The following WDPCP variants were observed in gnomAD, a reference collection of about 807,000 sequenced individuals.
The protein encoded by WDPCP is WD repeat containing planar cell polarity effector.
WDPCP carries 71 observed loss-of-function variants against 93.1 expected under a neutral mutation model. That is an observed-to-expected ratio of 0.76 (90% CI 0.63 to 0.93). WDPCP has a LOEUF of 0.93. WDPCP is among the 40% of genes least tolerant of loss of function. The pLI is 0.00. For synonymous variants in WDPCP, 315 were observed against 315.0 expected (o/e 1.00, Z 0.00); for missense variants, 844 against 887.4 (o/e 0.95, Z 0.62).
intron 2 of WDPCP, among the ~76,000 whole-genome samples, chr2:63,743,695 T>C (rs543230323): frequency 7.9e-5 from 12 of 152,250 alleles, no homozygotes; most frequent in African/African-American, 2.6e-4. Flanking sequence ...TATCAAGTGA[T>C]CTTATTAGGG....
At chr2:63,837,910 C>A in the WDPCP span, among the ~76,000 whole-genome samples, 3 of 152,078 alleles carry the variant, frequency 2.0e-5, no homozygotes, top group Non-Finnish European at 4.4e-5. Flanking sequence ...TTGAGACAAG[C>A]CTGGCCAACA....
chr2:63,647,189 G>A (rs765919581), intron 3 of WDPCP, among the ~76,000 whole-genome samples: 6 of 152,142 alleles, frequency 3.9e-5, no homozygotes, highest in Admixed American at 6.5e-5. Flanking sequence ...CCAGGCTGGA[G>A]TGCAATGGTG....
intron 17 of WDPCP, among the ~76,000 whole-genome samples, chr2:63,125,694 G>A (rs571947537): frequency 1.1e-4 from 17 of 151,558 alleles, no homozygotes; most frequent in African/African-American, 3.1e-4. Flanking sequence ...TGCAACCTCC[G>A]CTTCCCGGGT....
chr2:63,230,965 T>C (rs1010155050), intron 14 of WDPCP, among the ~76,000 whole-genome samples: 1 of 152,186 alleles, frequency 6.6e-6, no homozygotes, highest in Non-Finnish European at 1.5e-5. Context: ...ACTTTGGCTT[T>C]TGTTGCCATT....
chr2:63,591,393 G>C (rs1709199554), upstream of WDPCP, among the ~76,000 whole-genome samples: 1 of 152,110 alleles, frequency 6.6e-6, no homozygotes, highest in East Asian at 1.9e-4. Context: ...TACCTACCTG[G>C]GAAAGTAATT....
At chr2:63,466,271 TA>T (rs1699339010) in intron 6 of WDPCP, among the ~76,000 whole-genome samples, 1 of 152,122 alleles carries the variant, frequency 6.6e-6, no homozygotes, top group Non-Finnish European at 1.5e-5. Context: ...ACTTGTTAAG[TA>T]GTTTATCTGC....
intron 1 of WDPCP, among the ~76,000 whole-genome samples, chr2:63,498,705 T>C (rs1004847268): frequency 7.2e-5 from 11 of 152,238 alleles, no homozygotes; most frequent in African/African-American, 2.7e-4. Flanking sequence ...TTCCCCGGTT[T>C]CTTAAGTCAG....
intron 10 of WDPCP, among the ~76,000 whole-genome samples, chr2:63,385,991 G>C (rs981701828): frequency 6.6e-6 from 1 of 151,938 alleles, no homozygotes; most frequent in African/African-American, 2.4e-5. Flanking sequence ...TACTCTTTCT[G>C]ACAATTGGTG....
chr2:63,541,143 T>C (rs191664831), intron 1 of WDPCP, among the ~76,000 whole-genome samples: 91 of 152,226 alleles, frequency 6.0e-4, no homozygotes, highest in Middle Eastern at 6.8e-3. Flanking sequence ...CTGGCTAATT[T>C]TGCATTTTTA....
intron 14 of WDPCP, among the ~76,000 whole-genome samples, chr2:63,225,217 G>A (rs548369031): frequency 6.6e-6 from 1 of 152,074 alleles, no homozygotes; most frequent in Non-Finnish European, 1.5e-5. Context: ...GAATAGGGAT[G>A]ATAACTCTAT....
At chr2:63,217,996 T>G (rs957309939) in intron 14 of WDPCP, among the ~76,000 whole-genome samples, 1 of 152,182 alleles carries the variant, frequency 6.6e-6, no homozygotes, top group Non-Finnish European at 1.5e-5. Context: ...AATGAAAAAT[T>G]TGAAGTATCA....
chr2:63,801,845 C>G (rs1314644813), intron 2 of WDPCP, among the ~76,000 whole-genome samples: 3 of 152,126 alleles, frequency 2.0e-5, no homozygotes, highest in Admixed American at 6.5e-5. Flanking sequence ...AGCAAGCGAT[C>G]CAAGAGAAGG....
Position 63,733,183 on chromosome 2 carries a change from ATTTTTTTTT to A in WDPCP, n.308+80430_308+80438del, listed in dbSNP as rs70965141. 2.3e-3 allele frequency among the ~76,000 whole-genome samples: 217 copies of A among 94,950 alleles called. 1 individual carries two copies. The highest frequency in any genetic ancestry group is 3.5e-3 in the Admixed American group (30 of 8,518). 62.3% of individuals were successfully genotyped at this position (94,950 alleles called of 152,430 possible). A position where few individuals can be genotyped will look rare whatever the true frequency, so the allele number is the denominator to read the frequency against. ...TTACAAGCTAATATACAAATAAATG[ATTTTTTTTT>A]TTTTTTTTTTTTTTTTTTAAGACGG... On this transcript the variant is annotated intron_variant and non_coding_transcript_variant, in intron 2 of 4. Coordinates refer to the WDPCP transcript ENST00000467687.
intron 1 of WDPCP, among the ~76,000 whole-genome samples, chr2:63,521,032 G>T (rs936409427): frequency 2.0e-5 from 3 of 151,836 alleles, no homozygotes; most frequent in Non-Finnish European, 4.4e-5. Context: ...GTTACCCCCA[G>T]ACCTGCCTTA....
chr2:63,323,183 T>G (rs1196671739), intron 12 of WDPCP, among the ~76,000 whole-genome samples: 1 of 152,194 alleles, frequency 6.6e-6, no homozygotes, highest in Admixed American at 6.5e-5. Flanking sequence ...TGCCCATCTA[T>G]TCTATCTACC....
At chr2:63,570,120 T>C (rs921033933) in intron 1 of WDPCP, among the ~76,000 whole-genome samples, 1 of 152,186 alleles carries the variant, frequency 6.6e-6, no homozygotes, top group African/African-American at 2.4e-5. Context: ...ATTTTCAAAT[T>C]TGGCCTTTTT....
At chr2:63,675,291 T>C (rs1710391430) in intron 2 of WDPCP, among the ~76,000 whole-genome samples, 1 of 152,202 alleles carries the variant, frequency 6.6e-6, no homozygotes, top group African/African-American at 2.4e-5. Flanking sequence ...CACTTAACTC[T>C]AGGCTTCCCT....
intron 13 of WDPCP, among the ~76,000 whole-genome samples, chr2:63,312,457 A>G (rs1404066509): frequency 6.6e-6 from 1 of 152,232 alleles, no homozygotes; most frequent in East Asian, 1.9e-4. Context: ...AGCTTAATTT[A>G]AACTACAAAA....
At chr2:63,359,196 C>T (rs936914192) in intron 12 of WDPCP, among the ~76,000 whole-genome samples, 2 of 152,080 alleles carry the variant, frequency 1.3e-5, no homozygotes, top group African/African-American at 4.8e-5. Context: ...CCAATCACAA[C>T]ATTCTAGTTC....
Sources: gnomAD v4.1 joint callset for allele counts (sites outside exome capture counted in the v4.1 genomes callset) on GRCh38, gnomAD v4.1.1 for gene constraint, MANE v1.5 for transcripts, NCBI Gene and HGNC (gene_info 2026-07-23, HGNC 2026-07-21) for gene names.